Variants in SNTG2 observed in about 807,000 individuals in gnomAD.
The protein encoded by SNTG2 is gamma-2-syntrophin.
In SNTG2, 74 loss-of-function variants were observed where a neutral mutation model predicts 70.9. That is an observed-to-expected ratio of 1.04 (90% CI 0.86 to 1.27). The LOEUF is 1.27. Ranked by LOEUF, SNTG2 falls within the 50% of genes most tolerant of loss-of-function variation. SNTG2 has a pLI of 0.00. For missense variants in SNTG2, 717 were observed against 690.7 expected, an observed-to-expected ratio of 1.04 and a Z score of -0.43; for synonymous variants, 278 against 273.8, an observed-to-expected ratio of 1.02 and a Z score of -0.15.
chr2:1,229,991 T>G (rs1676097618), intron 9 of SNTG2, among the ~76,000 whole-genome samples: 1 of 152,102 alleles, frequency 6.6e-6, no homozygotes, highest in Non-Finnish European at 1.5e-5. Flanking sequence ...CACACCTCCC[T>G]GCAAGCTGAG....
intron 6 of SNTG2, among the ~76,000 whole-genome samples, chr2:1,140,057 C>T (rs1011595752): frequency 7.9e-5 from 12 of 152,080 alleles, no homozygotes; most frequent in African/African-American, 2.2e-4. Flanking sequence ...TTCTAAAAGA[C>T]GTATAAATCA....
At chr2:1,168,019 G>C (rs201899318) in intron 7 of SNTG2, among the ~76,000 whole-genome samples, 71 of 76,430 alleles carry the variant, frequency 9.3e-4, no homozygotes, top group East Asian at 3.9e-3. Context: ...CTGAAGCCTA[G>C]AAGCCGCCCA....
At chr2:1,227,744 C>T (rs1383164584) in intron 9 of SNTG2, among the ~76,000 whole-genome samples, 2 of 152,228 alleles carry the variant, frequency 1.3e-5, no homozygotes, top group Non-Finnish European at 2.9e-5. Flanking sequence ...TAATCATTTC[C>T]TCTGAGACAT....
intron 1 of SNTG2, among the ~76,000 whole-genome samples, chr2:1,003,574 C>T (rs62106794): frequency 0.086 from 13,168 of 152,242 alleles, 761 homozygotes; most frequent in South Asian, 0.21. Flanking sequence ...GATTTCTGTA[C>T]ACATTTGGAC....
chr2:1,283,864 G>A (rs535824076), intron 14 of SNTG2, among the ~76,000 whole-genome samples: 2 of 152,184 alleles, frequency 1.3e-5, no homozygotes, highest in Non-Finnish European at 2.9e-5. Context: ...TAAAGAGCCC[G>A]CTGTCTTCTT....
chr2:988,499 T>C lies in SNTG2; in HGVS notation c.72+37431T>C, dbSNP rs140410943. 3.8e-3 allele frequency among the ~76,000 whole-genome samples: 584 copies of C among 152,298 alleles called. 2 individuals are homozygous for C. Among genetic ancestry groups the C allele is most frequent in the African/African-American group, 0.013 (544 of 41,564 alleles). Reference sequence around the variant, plus strand: ...TCGCAATGCTTCCAAAACTCACCCGTGAGGATGCGGGGTCAATAGGGTGTT... The same window carrying C: ...TCGCAATGCTTCCAAAACTCACCCGCGAGGATGCGGGGTCAATAGGGTGTT... On this transcript the variant is annotated intron_variant, in intron 1 of 16. Coordinates refer to ENST00000308624, the MANE Select transcript of SNTG2 (RefSeq NM_018968.4).
At chr2:1,259,088 T>C (rs2148163582) in intron 12 of SNTG2, among the ~76,000 whole-genome samples, 1 of 152,306 alleles carries the variant, frequency 6.6e-6, no homozygotes, top group South Asian at 2.1e-4. Flanking sequence ...AGACAAGATA[T>C]CATAGATATC....
intron 1 of SNTG2, among the ~76,000 whole-genome samples, chr2:1,064,908 C>T (rs183048732): frequency 6.6e-6 from 1 of 152,168 alleles, no homozygotes; most frequent in African/African-American, 2.4e-5. Context: ...ATGCTGTTTG[C>T]AAGAAACACA....
chr2:1,300,769 T>C (rs1680426877), intron 14 of SNTG2, among the ~76,000 whole-genome samples: 2 of 152,326 alleles, frequency 1.3e-5, no homozygotes, highest in East Asian at 1.9e-4. Flanking sequence ...GAATTTTTAA[T>C]ATATTTGAAA....
chr2:1,186,787 T>C (rs1384268338), intron 8 of SNTG2, among the ~76,000 whole-genome samples: 1 of 152,152 alleles, frequency 6.6e-6, no homozygotes, highest in Admixed American at 6.5e-5. Context: ...CAACATGAGA[T>C]TTTAGTGGAG....
intron 1 of SNTG2, among the ~76,000 whole-genome samples, chr2:1,015,770 A>G (rs1017650892): frequency 2.0e-5 from 3 of 152,202 alleles, no homozygotes; most frequent in East Asian, 1.9e-4. Context: ...TCAGTTCTCT[A>G]GAAGAATTGA....
chr2:1,143,885 A>ACCCC (rs72370046), intron 6 of SNTG2, among the ~76,000 whole-genome samples: 3 of 140,706 alleles, frequency 2.1e-5, no homozygotes, highest in South Asian at 2.4e-4. Flanking sequence ...ACAACAAACA[A>ACCCC]CCCCCCCCCA....
intron 6 of SNTG2, among the ~76,000 whole-genome samples, chr2:1,139,922 T>C (rs1395248737): frequency 6.6e-6 from 1 of 152,170 alleles, no homozygotes; most frequent in Non-Finnish European, 1.5e-5. Context: ...ATATACTTTT[T>C]GAACCAGACT....
chr2:1,214,905 T>C (rs1674280433), intron 9 of SNTG2, among the ~76,000 whole-genome samples: 1 of 152,194 alleles, frequency 6.6e-6, no homozygotes, highest in Non-Finnish European at 1.5e-5. Context: ...TGAAGTACAT[T>C]CCCTTCATAC....
chr2:1,342,027 A>C (rs1660126146), intron 16 of SNTG2, among the ~76,000 whole-genome samples: 1 of 151,952 alleles, frequency 6.6e-6, no homozygotes, highest in Non-Finnish European at 1.5e-5. Flanking sequence ...ATTTTCTTTT[A>C]ATGAACAACA....
chr2:1,137,509 C>T, intron 4 of SNTG2, 113 bp from the exon 5 acceptor site: 2 of 1,094,154 alleles, frequency 1.8e-6, no homozygotes, highest in Non-Finnish European at 2.7e-6. Context: ...CATGCACACA[C>T]ACACACACGT....
At chr2:1,209,026 A>G (rs972159134) in intron 8 of SNTG2, 77 bp from the exon 9 acceptor site, 55 of 1,558,546 alleles carry the variant, frequency 3.5e-5, no homozygotes, top group Admixed American at 7.3e-5. Flanking sequence ...TCTGTGTTCC[A>G]GGTGCCTGCA....
intron 1 of SNTG2, among the ~76,000 whole-genome samples, chr2:958,926 T>G (rs1466404295): frequency 6.6e-6 from 1 of 152,166 alleles, no homozygotes; most frequent in African/African-American, 2.4e-5. Flanking sequence ...GTTAAGAAAT[T>G]AGAACCAAAC....
intron 6 of SNTG2, among the ~76,000 whole-genome samples, chr2:1,150,575 G>T (rs1469449703): frequency 6.6e-6 from 1 of 152,146 alleles, no homozygotes; most frequent in Non-Finnish European, 1.5e-5. Flanking sequence ...GATGAATGGG[G>T]AGGAGATGTT....
Sources: allele counts gnomAD v4.1 joint callset (sites outside exome capture counted in the v4.1 genomes callset), GRCh38; gene constraint gnomAD v4.1.1; transcripts MANE v1.5; gene names NCBI Gene and HGNC (gene_info 2026-07-23, HGNC 2026-07-21).